The following HPSE2 variants were observed in gnomAD, a reference collection of about 807,000 sequenced individuals.
The protein encoded by HPSE2 is inactive heparanase-2.
A neutral mutation model predicts 60.5 loss-of-function variants in HPSE2; 38 were observed. The ratio of observed to expected loss-of-function variants is 0.63; its 90% CI spans 0.48 to 0.82. The LOEUF (loss-of-function observed/expected upper bound fraction) is 0.82, where lower values mean the gene tolerates loss of function less well. HPSE2 is among the 40% of genes least tolerant of loss of function. The pLI, the probability that HPSE2 is intolerant of heterozygous loss-of-function variation, is 0.00. For missense variants in HPSE2, 713 were observed against 740.4 expected, an observed-to-expected ratio of 0.96 and a Z score of 0.43; for synonymous variants, 295 against 293.2, an observed-to-expected ratio of 1.01 and a Z score of -0.06.
intron 3 of HPSE2, among the ~76,000 whole-genome samples, chr10:99,060,118 T>C (rs1958202644): frequency 6.6e-6 from 1 of 151,840 alleles, no homozygotes; most frequent in Admixed American, 6.6e-5. Context: ...AGGACAATCA[T>C]TTAAAATATA....
At chr10:98,602,887 C>G (rs1364088675) in intron 9 of HPSE2, among the ~76,000 whole-genome samples, 3 of 151,756 alleles carry the variant, frequency 2.0e-5, no homozygotes, top group Non-Finnish European at 4.4e-5. Flanking sequence ...ATCTTTGTGG[C>G]CTTGAATTGA....
At chr10:99,292,744 C>T in the HPSE2 span, among the ~76,000 whole-genome samples, 2 of 151,948 alleles carry the variant, frequency 1.3e-5, no homozygotes, top group African/African-American at 2.4e-5. Flanking sequence ...TTACATTTTA[C>T]ATTCTTTTTT....
chr10:98,747,549 A>G (rs960093902), intron 3 of HPSE2, among the ~76,000 whole-genome samples: 5 of 152,240 alleles, frequency 3.3e-5, no homozygotes, highest in Non-Finnish European at 7.3e-5. Context: ...TGGGAGAAAC[A>G]GTATGGATAG....
chr10:98,524,614 CT>C (rs1942905515), intron 9 of HPSE2, among the ~76,000 whole-genome samples: 1 of 152,112 alleles, frequency 6.6e-6, no homozygotes, highest in East Asian at 1.9e-4. Context: ...ACTAGTTGTT[CT>C]TTTTTCTTTC....
chr10:99,110,985 A>G (rs1844435250), intron 3 of HPSE2, among the ~76,000 whole-genome samples: 1 of 152,182 alleles, frequency 6.6e-6, no homozygotes, highest in Non-Finnish European at 1.5e-5. Flanking sequence ...GTTAATTTTT[A>G]TGAAAGATAT....
chr10:98,605,689 A>G (rs1945560740), intron 9 of HPSE2, among the ~76,000 whole-genome samples: 1 of 152,198 alleles, frequency 6.6e-6, no homozygotes, highest in East Asian at 1.9e-4. Flanking sequence ...ACAGGAAGCA[A>G]TGAAGTTTGC....
chr10:98,720,995 G>T (rs1403587534), intron 5 of HPSE2, among the ~76,000 whole-genome samples: 1 of 152,046 alleles, frequency 6.6e-6, no homozygotes. Context: ...AAGTTGCTGG[G>T]GATGTTTATG....
At chr10:98,988,850 C>A (rs1298404753) in intron 3 of HPSE2, among the ~76,000 whole-genome samples, 5 of 135,750 alleles carry the variant, frequency 3.7e-5, no homozygotes, top group African/African-American at 1.4e-4. Flanking sequence ...TGAACAGACA[C>A]TTCTCAAAAG....
At chr10:98,727,115 T>A (rs547446819) in intron 4 of HPSE2, among the ~76,000 whole-genome samples, 1 of 152,200 alleles carries the variant, frequency 6.6e-6, no homozygotes, top group Admixed American at 6.5e-5. Flanking sequence ...GAGATATCAG[T>A]AGCTACACGA....
chr10:98,940,441 A>G (rs1177725619), intron 3 of HPSE2, among the ~76,000 whole-genome samples: 1 of 143,808 alleles, frequency 7.0e-6, no homozygotes, highest in Non-Finnish European at 1.5e-5. Flanking sequence ...ACCATCAGAG[A>G]ATACTACAAA....
At chr10:99,106,339 C>A (rs1217336495) in intron 3 of HPSE2, among the ~76,000 whole-genome samples, 1 of 151,926 alleles carries the variant, frequency 6.6e-6, no homozygotes, top group Non-Finnish European at 1.5e-5. Context: ...TTGGTAGATG[C>A]CCTTTATCAG....
chr10:98,741,149 G>C (rs953646110), intron 4 of HPSE2, among the ~76,000 whole-genome samples: 1 of 151,746 alleles, frequency 6.6e-6, no homozygotes, highest in Non-Finnish European at 1.5e-5. Flanking sequence ...GCACTCTAAG[G>C]GGAAAACACT....
the HPSE2 span, among the ~76,000 whole-genome samples, chr10:99,298,669 C>CTTT: frequency 1.4e-5 from 2 of 144,088 alleles, no homozygotes; most frequent in Non-Finnish European, 1.5e-5. Flanking sequence ...TATGTATAGG[C>CTTT]TTTTTTTTTT....
intron 3 of HPSE2, among the ~76,000 whole-genome samples, chr10:98,810,713 G>A (rs1951149952): frequency 1.3e-5 from 2 of 151,760 alleles, no homozygotes; most frequent in African/African-American, 4.9e-5. Context: ...GAATTGTCTT[G>A]GGCCACACAT....
At chr10:99,223,420 C>T (rs1229537420) in intron 2 of HPSE2, among the ~76,000 whole-genome samples, 1 of 152,118 alleles carries the variant, frequency 6.6e-6, no homozygotes, top group Non-Finnish European at 1.5e-5. Context: ...CAAATCTGGG[C>T]AGTTTACCTT....
intron 2 of HPSE2, among the ~76,000 whole-genome samples, chr10:99,171,829 A>AT (rs1488525201): frequency 1.3e-5 from 2 of 151,988 alleles, no homozygotes; most frequent in African/African-American, 2.4e-5. Flanking sequence ...AAAAAAAAAA[A>AT]CTTAACCTCT....
intron 5 of HPSE2, among the ~76,000 whole-genome samples, chr10:98,719,749 C>T (rs11189771): frequency 0.15 from 21,817 of 150,032 alleles, 1,934 homozygotes; most frequent in Admixed American, 0.23. Context: ...TTCTGTAATC[C>T]TAGCACTTTG....
chr10:99,245,628 A>G, the HPSE2 span, among the ~76,000 whole-genome samples: 2 of 152,238 alleles, frequency 1.3e-5, no homozygotes, highest in Non-Finnish European at 2.9e-5. Flanking sequence ...GAAATACTGA[A>G]TAACGCTAAT....
intron 3 of HPSE2, among the ~76,000 whole-genome samples, chr10:98,910,588 C>T (rs1470826827): frequency 6.6e-6 from 1 of 152,108 alleles, no homozygotes; most frequent in Non-Finnish European, 1.5e-5. Flanking sequence ...CAGAAGAAGG[C>T]TTTAGAGGCA....
Sources: gnomAD v4.1 joint callset for allele counts (sites outside exome capture counted in the v4.1 genomes callset) on GRCh38, gnomAD v4.1.1 for gene constraint, MANE v1.5 for transcripts, NCBI Gene and HGNC (gene_info 2026-07-23, HGNC 2026-07-21) for gene names.